MCU: variants seen among roughly 807,000 people sequenced by gnomAD.
MCU encodes mitochondrial calcium uniporter.
In MCU, 12 loss-of-function variants were observed where a neutral mutation model predicts 45.2. That is an observed-to-expected ratio of 0.27 (90% CI 0.17 to 0.43). The LOEUF (loss-of-function observed/expected upper bound fraction) is 0.43. MCU is among the 20% of genes least tolerant of loss of function. The probability of loss-of-function intolerance (pLI) is 1.00; values close to 1 mark genes in which losing one functional copy is unlikely to be tolerated. For synonymous variants in MCU, 160 were observed against 165.1 expected (o/e 0.97, Z 0.24); for missense variants, 324 against 436.7 (o/e 0.74, Z 2.30).
chr10:72,871,112 C>A (rs1845536203), intron 5 of MCU, among the ~76,000 whole-genome samples: 1 of 152,010 alleles, frequency 6.6e-6, no homozygotes, highest in Non-Finnish European at 1.5e-5. Context: ...GTCGCCCAGG[C>A]TGGTCTTGAA....
At chr10:72,837,194 A>G (rs1564570567) in intron 2 of MCU, among the ~76,000 whole-genome samples, 2 of 145,874 alleles carry the variant, frequency 1.4e-5, no homozygotes, top group South Asian at 2.2e-4. Context: ...CAGGTTCTAG[A>G]TTTTTTTTTT....
intron 1 of MCU, among the ~76,000 whole-genome samples, chr10:72,716,103 T>C (rs1842952987): frequency 6.6e-6 from 1 of 152,212 alleles, no homozygotes; most frequent in Non-Finnish European, 1.5e-5. Flanking sequence ...TACAGACATA[T>C]CCATTTGTTT....
At chr10:72,756,905 G>T (rs1183298868) in intron 1 of MCU, 1 of 151,848 alleles carries the variant, frequency 6.6e-6, no homozygotes, top group Non-Finnish European at 1.5e-5. Context: ...GGGCTCAGTG[G>T]CATACACCTG....
intron 1 of MCU, among the ~76,000 whole-genome samples, chr10:72,828,094 G>C (rs1201642849): frequency 6.6e-6 from 1 of 152,172 alleles, no homozygotes; most frequent in African/African-American, 2.4e-5. Context: ...ATCCGTATAA[G>C]CACTGAATTT....
intron 2 of MCU, among the ~76,000 whole-genome samples, chr10:72,855,828 C>T (rs2132863561): frequency 6.6e-6 from 1 of 152,140 alleles, no homozygotes; most frequent in Non-Finnish European, 1.5e-5. Context: ...GATAAAATAG[C>T]AAGACCCAAC....
intron 1 of MCU, among the ~76,000 whole-genome samples, chr10:72,783,555 C>T (rs1423924033): frequency 6.6e-6 from 1 of 152,108 alleles, no homozygotes; most frequent in African/African-American, 2.4e-5. Context: ...CTTAGTGGAG[C>T]AGTGTTGGGA....
At chr10:72,704,418 A>G (rs933592785) in intron 1 of MCU, among the ~76,000 whole-genome samples, 6 of 152,174 alleles carry the variant, frequency 3.9e-5, no homozygotes, top group Non-Finnish European at 7.3e-5. Context: ...CCTTTTTACA[A>G]TCATGTTAAA....
At chr10:72,704,665 G>A (rs1842796530) in intron 1 of MCU, among the ~76,000 whole-genome samples, 1 of 145,100 alleles carries the variant, frequency 6.9e-6, no homozygotes, top group African/African-American at 2.5e-5. Flanking sequence ...AGCATCCCAA[G>A]TAACTGGGAC....
intron 4 of MCU, among the ~76,000 whole-genome samples, chr10:72,865,848 C>T (rs1326746520): frequency 6.7e-6 from 1 of 149,710 alleles, no homozygotes; most frequent in East Asian, 2.0e-4. Context: ...GCAATCTTGG[C>T]TCACTGCAAG....
chr10:72,810,383 A>G (rs1360408164), intron 1 of MCU, among the ~76,000 whole-genome samples: 1 of 151,164 alleles, frequency 6.6e-6, no homozygotes, highest in Non-Finnish European at 1.5e-5. Flanking sequence ...AAGAAGTCTG[A>G]GAGTCCACTG....
At chr10:72,805,087 T>TTCTTTCTTTCTTTC (rs750532235) in intron 1 of MCU, among the ~76,000 whole-genome samples, 1 of 137,190 alleles carries the variant, frequency 7.3e-6, no homozygotes. Context: ...GTTTCTTTCT[T>TTCTTTCTTTCTTTC]TCTTTCTTTC....
intron 1 of MCU, among the ~76,000 whole-genome samples, chr10:72,823,597 G>T (rs1012761729): frequency 3.9e-5 from 6 of 151,996 alleles, no homozygotes; most frequent in African/African-American, 1.2e-4. Flanking sequence ...TTATTCTTTG[G>T]TATTAATCTT....
intron 4 of MCU, among the ~76,000 whole-genome samples, chr10:72,863,367 G>A (rs936848168): frequency 1.3e-5 from 2 of 152,126 alleles, no homozygotes; most frequent in Non-Finnish European, 2.9e-5. Context: ...AAATGTGTTC[G>A]CTGGGTAGCA....
At chr10:72,832,276 T>G (rs1844889760) in intron 1 of MCU, among the ~76,000 whole-genome samples, 1 of 152,172 alleles carries the variant, frequency 6.6e-6, no homozygotes, top group Non-Finnish European at 1.5e-5. Context: ...GCATAAAATT[T>G]CATAACTGAT....
intron 2 of MCU, among the ~76,000 whole-genome samples, chr10:72,842,083 A>G (rs1263033548): frequency 6.6e-6 from 1 of 152,216 alleles, no homozygotes; most frequent in African/African-American, 2.4e-5. Flanking sequence ...GTTTGAGACC[A>G]GCCTAGGCAA....
intron 1 of MCU, among the ~76,000 whole-genome samples, chr10:72,759,838 G>T (rs1454613012): frequency 6.6e-6 from 1 of 152,090 alleles, no homozygotes; most frequent in Non-Finnish European, 1.5e-5. Flanking sequence ...TCTCTCCACC[G>T]TGTGAGAATA....
At chr10:72,725,113 C>T (rs1409190668) in intron 1 of MCU, among the ~76,000 whole-genome samples, 2 of 151,942 alleles carry the variant, frequency 1.3e-5, no homozygotes, top group Non-Finnish European at 2.9e-5. Flanking sequence ...TACATACACA[C>T]GCCACCACAC....
rs538494632 is a variant in MCU at position 72,704,616 on chromosome 10, T to C, written c.150+12315T>C. Among the ~76,000 whole-genome samples the C allele has an allele frequency of 7.2e-4, 109 of 152,010 alleles. 1 individual carries two copies. The highest frequency in any genetic ancestry group is 2.1e-3 in the South Asian group (10 of 4,818). On this transcript the variant is annotated intron_variant, in intron 1 of 7. Transcript: ENST00000373053. The stretch of plus-strand genomic sequence containing the variant: ...TTCATGGCACCATTATAAATCACTG[T>C]AGCCTCGAACTCCTGAGCTGAAGGG...
At chr10:72,764,716 G>C (rs1843700857) in intron 1 of MCU, among the ~76,000 whole-genome samples, 1 of 152,074 alleles carries the variant, frequency 6.6e-6, no homozygotes, top group African/African-American at 2.4e-5. Flanking sequence ...ATTGAGATAT[G>C]GGCTGCAGTC....
Sources: gnomAD v4.1 joint callset for allele counts (sites outside exome capture counted in the v4.1 genomes callset) on GRCh38, gnomAD v4.1.1 for gene constraint, MANE v1.5 for transcripts, NCBI Gene and HGNC (gene_info 2026-07-23, HGNC 2026-07-21) for gene names.